The following FIBCD1 variants were observed in gnomAD, a reference collection of about 807,000 sequenced individuals.
The protein encoded by FIBCD1 is fibrinogen C domain containing 1.
A neutral mutation model predicts 45.1 loss-of-function variants in FIBCD1; 47 were observed. That is an observed-to-expected ratio of 1.04 (90% confidence interval 0.82 to 1.33). The LOEUF is 1.33. FIBCD1 is among the 40% of genes most tolerant of loss of function. The probability of loss-of-function intolerance (pLI) is 0.00; values close to 1 mark genes in which losing one functional copy is unlikely to be tolerated. For synonymous variants in FIBCD1, 313 were observed against 308.1 expected, an observed-to-expected ratio of 1.02 and a Z score of -0.17; for missense variants, 653 against 682.2, an observed-to-expected ratio of 0.96 and a Z score of 0.48.
At chr9:130,934,433 G>A (rs957463440) in intron 1 of FIBCD1, among the ~76,000 whole-genome samples, 6 of 152,216 alleles carry the variant, frequency 3.9e-5, no homozygotes, top group Non-Finnish European at 5.9e-5. Flanking sequence ...GCCATCTGGC[G>A]TCTCAGGCCA....
At chr9:130,910,480 T>A (rs2133074194) in intron 5 of FIBCD1, among the ~76,000 whole-genome samples, 1 of 152,258 alleles carries the variant, frequency 6.6e-6, no homozygotes, top group Admixed American at 6.5e-5. Context: ...CCCGGTCCCA[T>A]CGAGCACCCA....
intron 3 of FIBCD1, 34 bp downstream of exon 3, chr9:130,924,202 AG>A (rs781200355): frequency 6.5e-7 from 1 of 1,528,516 alleles, no homozygotes; most frequent in Non-Finnish European, 8.8e-7. Flanking sequence ...CTGGGACCCG[AG>A]GCACCGGAGG....
intron 1 of FIBCD1, among the ~76,000 whole-genome samples, chr9:130,936,688 G>C (rs141546292): frequency 1.3e-5 from 2 of 152,250 alleles, no homozygotes; most frequent in African/African-American, 2.4e-5. Flanking sequence ...TGGCCGAAGC[G>C]TCATGCAGTG....
At chr9:130,929,418 G>A in intron 2 of FIBCD1, 149 bp downstream of exon 2, 2 of 1,048,660 alleles carry the variant, frequency 1.9e-6, no homozygotes, top group Non-Finnish European at 2.5e-6. Flanking sequence ...AGCTTCATGG[G>A]CTTGTCTGTA....
At chr9:130,939,476 G>A (rs924279417), upstream of FIBCD1, among the ~76,000 whole-genome samples, 16 of 152,118 alleles carry the variant, frequency 1.1e-4, no homozygotes, top group African/African-American at 3.1e-4. Flanking sequence ...ACCCCGACGC[G>A]TGAGCCTGGC....
At chr9:130,933,081 C>T (rs895637490) in intron 1 of FIBCD1, among the ~76,000 whole-genome samples, 2 of 152,188 alleles carry the variant, frequency 1.3e-5, no homozygotes, top group South Asian at 2.1e-4. Context: ...CAGAGGGCAC[C>T]GAAATGGGGA....
At chr9:130,924,454 G>A (rs569652526) in intron 2 of FIBCD1, 58 bp from the exon 3 acceptor site, 123 of 1,490,384 alleles carry the variant, frequency 8.3e-5, no homozygotes, top group African/African-American at 5.5e-4. Context: ...GTGGGGTGGC[G>A]CACATAGCAG....
At chr9:130,907,566 C>A (rs138006623) in intron 5 of FIBCD1, among the ~76,000 whole-genome samples, 1 of 152,198 alleles carries the variant, frequency 6.6e-6, no homozygotes, top group African/African-American at 2.4e-5. Context: ...AGTGGACTTC[C>A]AGCTGGACTA....
chr9:130,937,848 C>G (rs1307730312), intron 1 of FIBCD1, among the ~76,000 whole-genome samples: 1 of 152,226 alleles, frequency 6.6e-6, no homozygotes, highest in East Asian at 1.9e-4. Context: ...CAAGCCCCAC[C>G]TCCACTGCCC....
At chr9:130,907,444 G>A (rs1466224061) in intron 5 of FIBCD1, among the ~76,000 whole-genome samples, 1 of 152,168 alleles carries the variant, frequency 6.6e-6, no homozygotes, top group Non-Finnish European at 1.5e-5. Flanking sequence ...CTGGGCCCCT[G>A]ATCCAACTCC....
chr9:130,911,723 G>T, intron 5 of FIBCD1, 69 bp downstream of exon 5: 1 of 1,418,028 alleles, frequency 7.1e-7, no homozygotes, highest in Non-Finnish European at 9.7e-7. Flanking sequence ...GGAGCAGCTG[G>T]GACCCAACTG....
At chr9:130,936,114 C>T (rs746937621) in intron 1 of FIBCD1, 2 of 152,206 alleles carry the variant, frequency 1.3e-5, no homozygotes, top group Non-Finnish European at 2.9e-5. Flanking sequence ...GTCACGTGGC[C>T]CCCATAACAG....
At position 130,911,781 on chromosome 9, in the gene FIBCD1, G is replaced by A. The variant is rs762931223; in HGVS notation, c.946+11C>T. 2.5e-6 allele frequency: 4 copies of A among 1,590,372 alleles called. No homozygotes were observed. Among genetic ancestry groups the A allele is most frequent in the Non-Finnish European group, 3.4e-6 (4 of 1,169,354 alleles). On this transcript the variant is annotated intron_variant, in intron 5 of 6. Coordinates refer to ENST00000372338, the MANE Select transcript of FIBCD1 (RefSeq NM_032843.5). ...GGCCCACCTGGGCCGGATGGTGGGT[G>A]GGGTGCTCACCTAGCCAGTGCTCCC...
At chr9:130,919,350 G>A (rs1204492533) in intron 4 of FIBCD1, among the ~76,000 whole-genome samples, 4 of 152,170 alleles carry the variant, frequency 2.6e-5, no homozygotes, top group Admixed American at 1.3e-4. Flanking sequence ...TGGGGACACT[G>A]TGGCCCACCA....
chr9:130,935,963 G>A (rs541073318), intron 1 of FIBCD1, among the ~76,000 whole-genome samples: 154 of 152,312 alleles, frequency 1.0e-3, no homozygotes, highest in African/African-American at 3.5e-3. Context: ...CCGTTTGTAG[G>A]AACCAGATGT....
chr9:130,914,343 T>C (rs974566942), intron 4 of FIBCD1, among the ~76,000 whole-genome samples: 8 of 152,128 alleles, frequency 5.3e-5, no homozygotes, highest in Admixed American at 1.3e-4. Flanking sequence ...GTTCTGCCCT[T>C]GGGGACCTTA....
At chr9:130,915,872 A>G (rs1403147855) in intron 4 of FIBCD1, among the ~76,000 whole-genome samples, 1 of 152,196 alleles carries the variant, frequency 6.6e-6, no homozygotes, top group Non-Finnish European at 1.5e-5. Context: ...AGCCGACGTC[A>G]CCACACAGGC....
At chr9:130,928,544 G>A (rs982665813) in intron 2 of FIBCD1, among the ~76,000 whole-genome samples, 3 of 152,262 alleles carry the variant, frequency 2.0e-5, no homozygotes, top group Admixed American at 2.0e-4. Context: ...CCCAGACAGG[G>A]TGATGAGGAC....
chr9:130,938,514 G>A, intron 1 of FIBCD1, 22 bp downstream of exon 1: 1 of 1,482,002 alleles, frequency 6.7e-7, no homozygotes, highest in Middle Eastern at 1.9e-4. Context: ...CCCAGGCCCC[G>A]TGTCCCAGCG....
Sources: allele counts gnomAD v4.1 joint callset (sites outside exome capture counted in the v4.1 genomes callset), GRCh38; gene constraint gnomAD v4.1.1; transcripts MANE v1.5; gene names NCBI Gene and HGNC (gene_info 2026-07-23, HGNC 2026-07-21).